SRGAP3: variants seen among roughly 807,000 people sequenced by gnomAD.
The protein encoded by SRGAP3 is SLIT-ROBO Rho GTPase-activating protein 3.
In SRGAP3, 39 loss-of-function variants were observed where a neutral mutation model predicts 121.1. That is an observed-to-expected ratio of 0.32 (90% CI 0.25 to 0.42). The LOEUF is 0.42. SRGAP3 is among the 10% of genes least tolerant of loss of function. The probability of loss-of-function intolerance (pLI) is 1.00; values close to 1 mark genes in which losing one functional copy is unlikely to be tolerated. For synonymous variants in SRGAP3, 601 were observed against 570.0 expected, an observed-to-expected ratio of 1.05 and a Z score of -0.77; for missense variants, 1,213 against 1,470.6, an observed-to-expected ratio of 0.82 and a Z score of 2.86.
At chr3:9,087,472 G>A (rs151237798) in intron 3 of SRGAP3, among the ~76,000 whole-genome samples, 3,782 of 152,200 alleles carry the variant, frequency 0.025, 156 homozygotes, top group African/African-American at 0.086. Flanking sequence ...GGCAGGAGGC[G>A]GAAAGGGCCA....
At chr3:9,189,370 C>T (rs1373843285) in intron 1 of SRGAP3, among the ~76,000 whole-genome samples, 1 of 152,200 alleles carries the variant, frequency 6.6e-6, no homozygotes, top group African/African-American at 2.4e-5. Flanking sequence ...AATCGTTTGT[C>T]CCGAGTCCCT....
chr3:9,139,567 T>A (rs1331042470), intron 1 of SRGAP3, among the ~76,000 whole-genome samples: 2 of 151,950 alleles, frequency 1.3e-5, no homozygotes, highest in African/African-American at 4.8e-5. Context: ...CTGGAGGGAG[T>A]GTGGCTCTGG....
chr3:9,304,219 G>C (rs1250911464), intron 3 of SRGAP3, among the ~76,000 whole-genome samples: 1 of 152,158 alleles, frequency 6.6e-6, no homozygotes, highest in Non-Finnish European at 1.5e-5. Flanking sequence ...CCAACACCCA[G>C]CAGAGAGCCT....
At chr3:9,340,225 CCAGTT>C (rs1318423889) in intron 1 of SRGAP3, among the ~76,000 whole-genome samples, 2 of 152,180 alleles carry the variant, frequency 1.3e-5, no homozygotes, top group African/African-American at 4.8e-5. Context: ...CTCATTCTTT[CCAGTT>C]CAATCTATTT....
At chr3:9,302,800 T>G (rs975297797) in intron 3 of SRGAP3, among the ~76,000 whole-genome samples, 1 of 151,990 alleles carries the variant, frequency 6.6e-6, no homozygotes, top group Non-Finnish European at 1.5e-5. Flanking sequence ...GAACAGCCAC[T>G]AGGAACAGTC....
intron 1 of SRGAP3, among the ~76,000 whole-genome samples, chr3:9,208,185 C>G (rs999335558): frequency 6.6e-6 from 1 of 152,172 alleles, no homozygotes; most frequent in African/African-American, 2.4e-5. Context: ...CTTTCCCAGA[C>G]CCCCGAGATG....
chr3:9,177,568 A>G (rs1951224601), intron 1 of SRGAP3, among the ~76,000 whole-genome samples: 1 of 152,062 alleles, frequency 6.6e-6, no homozygotes. Flanking sequence ...AAAGGTCTCC[A>G]TGATCTTAAT....
At chr3:9,032,615 T>C (rs1944543441) in intron 12 of SRGAP3, 35 bp downstream of exon 12, 1 of 1,587,176 alleles carries the variant, frequency 6.3e-7, no homozygotes, top group African/African-American at 1.3e-5. Context: ...TTACATTGGG[T>C]GCATTCGCGG....
At chr3:9,196,452 G>A (rs1019454683) in intron 1 of SRGAP3, among the ~76,000 whole-genome samples, 1 of 152,208 alleles carries the variant, frequency 6.6e-6, no homozygotes, top group Non-Finnish European at 1.5e-5. Context: ...AGTTGTAAAA[G>A]AGTAAATACA....
chr3:9,150,310 A>G (rs1292424900), intron 1 of SRGAP3, among the ~76,000 whole-genome samples: 1 of 151,972 alleles, frequency 6.6e-6, no homozygotes. Context: ...GGAGGAGGCA[A>G]GTGACCATCT....
chr3:9,058,242 G>A lies in SRGAP3; in HGVS notation c.1023+9C>T, dbSNP rs749354198. On this transcript the variant is annotated intron_variant, in intron 7 of 21. Coordinates refer to ENST00000383836, the MANE Select transcript of SRGAP3 (RefSeq NM_014850.4). ...CAGCCCCAAGCCCGGGCTCCAGGAGGAAGCCTACCTCATCCCCCATGTGGG... is the reference window on the plus strand; with the variant it reads ...CAGCCCCAAGCCCGGGCTCCAGGAGAAAGCCTACCTCATCCCCCATGTGGG... 6.2e-7 allele frequency: 1 copy of A among 1,613,974 alleles called. No individual in the cohort carries two copies. The highest frequency in any genetic ancestry group is 1.1e-5 in the South Asian group (1 of 91,064).
intron 1 of SRGAP3, chr3:9,349,769 G>C (rs188472994): frequency 6.6e-6 from 1 of 152,142 alleles, no homozygotes; most frequent in Non-Finnish European, 1.5e-5. Context: ...GGGATTTCTC[G>C]TGGCAGTTGA....
intron 17 of SRGAP3, 104 bp from the exon 18 acceptor site, chr3:9,010,491 G>T: frequency 4.1e-6 from 5 of 1,233,038 alleles, no homozygotes; most frequent in African/African-American, 1.5e-5. Flanking sequence ...CCCTCCCGCA[G>T]CTCAGATGCA....
chr3:9,022,418 C>T (rs1943972361), intron 14 of SRGAP3, among the ~76,000 whole-genome samples: 1 of 152,132 alleles, frequency 6.6e-6, no homozygotes, highest in Non-Finnish European at 1.5e-5. Context: ...CGAGTTAAAC[C>T]ATGTGGGATG....
chr3:9,060,036 G>A, intron 6 of SRGAP3, 195 bp downstream of exon 6: 2 of 868,796 alleles, frequency 2.3e-6, no homozygotes, highest in Non-Finnish European at 3.6e-6. Context: ...TCCCACTCGT[G>A]AAAATAGACA....
chr3:9,000,389 A>ATGGCT (rs1424336230), intron 18 of SRGAP3, among the ~76,000 whole-genome samples: 1 of 152,200 alleles, frequency 6.6e-6, no homozygotes, highest in African/African-American at 2.4e-5. Context: ...CCCTCCACAA[A>ATGGCT]GCACTCAGTG....
chr3:9,337,348 A>C (rs1451850410), intron 1 of SRGAP3, among the ~76,000 whole-genome samples: 2 of 152,210 alleles, frequency 1.3e-5, no homozygotes, highest in Non-Finnish European at 2.9e-5. Flanking sequence ...ATTTATCATC[A>C]CAGGAAATAT....
At chr3:9,213,343 C>T (rs1162853612) in intron 1 of SRGAP3, among the ~76,000 whole-genome samples, 1 of 150,510 alleles carries the variant, frequency 6.6e-6, no homozygotes, top group Non-Finnish European at 1.5e-5. Context: ...AAAAAAAATG[C>T]AACATTTGCC....
intron 13 of SRGAP3, among the ~76,000 whole-genome samples, chr3:9,026,604 A>C (rs920046380): frequency 2.2e-4 from 34 of 152,204 alleles, no homozygotes; most frequent in African/African-American, 8.2e-4. Context: ...ACCTTCATGG[A>C]GCTTATAATC....
Sources: gnomAD v4.1 joint callset for allele counts (sites outside exome capture counted in the v4.1 genomes callset) on GRCh38, gnomAD v4.1.1 for gene constraint, MANE v1.5 for transcripts, NCBI Gene and HGNC (gene_info 2026-07-23, HGNC 2026-07-21) for gene names.